Variants in SLC22A24 observed in about 807,000 individuals in gnomAD.
SLC22A24 encodes the protein solute carrier family 22 member 24.
In SLC22A24, 53 loss-of-function variants were observed where a neutral mutation model predicts 49.8. That is an observed-to-expected ratio of 1.06 (90% CI 0.85 to 1.34). The LOEUF is 1.34. Among genes scored for constraint, SLC22A24 ranks in the 40% most tolerant of loss-of-function variants. SLC22A24 has a pLI of 0.00. For missense variants in SLC22A24, 786 were observed against 675.9 expected, an observed-to-expected ratio of 1.16 and a Z score of -1.81; for synonymous variants, 302 against 256.4, an observed-to-expected ratio of 1.18 and a Z score of -1.70.
chr11:63,113,394 T>C (rs1032532431), intron 4 of SLC22A24, among the ~76,000 whole-genome samples: 2 of 151,464 alleles, frequency 1.3e-5, no homozygotes, highest in Non-Finnish European at 2.9e-5. Flanking sequence ...GCTGGTACCG[T>C]TTGTTTCTTT....
chr11:63,125,899 T>C (rs973891229), intron 2 of SLC22A24, among the ~76,000 whole-genome samples: 3 of 152,246 alleles, frequency 2.0e-5, no homozygotes, highest in African/African-American at 7.2e-5. Flanking sequence ...TGCATTTCTC[T>C]GATGACTGGT....
intron 7 of SLC22A24, among the ~76,000 whole-genome samples, chr11:63,082,743 T>C (rs181990108): frequency 1.5e-4 from 23 of 152,328 alleles, no homozygotes; most frequent in African/African-American, 4.8e-4. Flanking sequence ...TCTAAAAAAG[T>C]GTTGCATTTA....
chr11:63,128,881 T>C (rs1239900832), intron 2 of SLC22A24, among the ~76,000 whole-genome samples: 1 of 152,186 alleles, frequency 6.6e-6, no homozygotes, highest in Non-Finnish European at 1.5e-5. Context: ...CACAGCTGTC[T>C]TTTCTTTTAC....
At chr11:63,096,153 G>T (rs892920662) in intron 5 of SLC22A24, 47 bp from the exon 6 acceptor site, 1 of 1,236,718 alleles carries the variant, frequency 8.1e-7, no homozygotes. Flanking sequence ...TGTCAATAAT[G>T]TGTCAGGCAT....
At chr11:63,110,642 C>T (rs535044616) in intron 4 of SLC22A24, among the ~76,000 whole-genome samples, 52 of 133,700 alleles carry the variant, frequency 3.9e-4, no homozygotes, top group Non-Finnish European at 6.6e-4. Context: ...CGATTTGGCT[C>T]TCTGTTTGTC....
rs1364355228 is a variant in SLC22A24, at chr11:63,118,954, A to G, written c.788T>C (p.Leu263Pro). 6.4e-7 allele frequency: 1 copy of G among 1,551,960 alleles called. No individual in the cohort carries two copies. Among genetic ancestry groups the G allele is most frequent in the African/African-American group, 1.4e-5 (1 of 73,068 alleles). Residue 263 changes from leucine (L) to proline (P), a missense_variant, in exon 4 of 10, where the codon CTG (leucine) becomes CCG (proline). Leu to Pro is a moderately conservative substitution (Grantham distance 98, BLOSUM62 -3). Transcript: ENST00000612278. The stretch of plus-strand genomic sequence containing the variant: ...GACAATTATGGGTGTAGACACAGTC[A>G]GTTGCAATATGTGCCAGTCCTGAAT... ...FAIQDWHILQ[L>P]TVSTPIIVLF...
chr11:63,096,132 C>A (rs1003243223), intron 5 of SLC22A24, 26 bp from the exon 6 acceptor site: 61 of 1,415,330 alleles, frequency 4.3e-5, no homozygotes, highest in Non-Finnish European at 5.7e-5. Flanking sequence ...TAACAACAAG[C>A]ATTTGTGAGA....
chr11:63,120,990 C>T (rs557903473), intron 2 of SLC22A24, among the ~76,000 whole-genome samples: 1 of 152,124 alleles, frequency 6.6e-6, no homozygotes, highest in East Asian at 1.9e-4. Context: ...GTAGTGGTTG[C>T]CCCCAGATAA....
At chr11:63,110,322 G>A (rs1335375723) in intron 4 of SLC22A24, among the ~76,000 whole-genome samples, 1 of 152,170 alleles carries the variant, frequency 6.6e-6, no homozygotes, top group Non-Finnish European at 1.5e-5. Flanking sequence ...GATTTATTTG[G>A]CAATGCGGGC....
At position 63,096,074 on chromosome 11, in the gene SLC22A24, A is replaced by G; in HGVS notation, c.987T>C (p.Asp329=). ...LVRSTMKKEL[D]AVRIKTSIFS... ...AAATGGATGTTTTAATTCGGACTGCATCCAACTCCTTCTTCATGGTGGATC... is the reference window on the plus strand; with the variant it reads ...AAATGGATGTTTTAATTCGGACTGCGTCCAACTCCTTCTTCATGGTGGATC... The change falls in exon 6 of 10, where the codon GAT becomes GAC. Residue 329 remains aspartate, a synonymous_variant. Transcript: ENST00000612278. The G allele has an allele frequency of 6.4e-7, 1 of 1,550,820 alleles. No homozygotes were observed. Among genetic ancestry groups the G allele is most frequent in the South Asian group, 1.2e-5 (1 of 84,028 alleles).
chr11:63,130,960 G>T (rs1290172911), intron 2 of SLC22A24, among the ~76,000 whole-genome samples: 1 of 151,970 alleles, frequency 6.6e-6, no homozygotes, highest in African/African-American at 2.4e-5. Flanking sequence ...GGGTGGTCCT[G>T]TATTGGGTGT....
At chr11:63,131,032 C>T (rs1052009292) in intron 2 of SLC22A24, among the ~76,000 whole-genome samples, 6 of 151,752 alleles carry the variant, frequency 4.0e-5, no homozygotes, top group Admixed American at 3.3e-4. Flanking sequence ...TATATAGTGG[C>T]CTTCTTTGTC....
intron 5 of SLC22A24, among the ~76,000 whole-genome samples, chr11:63,103,319 C>A (rs1337203621): frequency 1.3e-5 from 2 of 152,070 alleles, no homozygotes; most frequent in Non-Finnish European, 2.9e-5. Context: ...CTTTTCTGAC[C>A]TATTAAGGCT....
intron 4 of SLC22A24, among the ~76,000 whole-genome samples, chr11:63,106,047 C>G: frequency 6.6e-6 from 1 of 151,784 alleles, no homozygotes; most frequent in Non-Finnish European, 1.5e-5. Context: ...CGTCATTTAG[C>G]ATTAGGTATA....
At chr11:63,113,777 C>A (rs1297868087) in intron 4 of SLC22A24, among the ~76,000 whole-genome samples, 1 of 151,238 alleles carries the variant, frequency 6.6e-6, no homozygotes, top group Admixed American at 6.6e-5. Flanking sequence ...TCACTTGAAC[C>A]CAGGAGGCAG....
chr11:63,081,026 AG>A lies in SLC22A24; in HGVS notation c.1491del (p.Trp498GlyfsTer43). 6.4e-7 allele frequency: 1 copy of A among 1,551,764 alleles called. No homozygotes were observed. The highest frequency in any genetic ancestry group is 8.7e-7 in the Non-Finnish European group (1 of 1,147,016). On this transcript the variant is annotated frameshift_variant, in exon 9 of 10. Coordinates refer to ENST00000612278, the MANE Select transcript of SLC22A24 (RefSeq NM_001136506.2). LOFTEE classifies it high-confidence loss of function. ...ATGGGGAAGACTCCATAGGAAATCC[AG>A]GGTAGGTGGGGAGAATACGCCATTA... ...MTLMAYSPHL[P>X]WISYGVFPIL...
chr11:63,127,300 A>G (rs1176828798), intron 2 of SLC22A24, among the ~76,000 whole-genome samples: 2 of 152,180 alleles, frequency 1.3e-5, no homozygotes, highest in African/African-American at 4.8e-5. Context: ...CCTGCAAAGG[A>G]CATGAACTCA....
At chr11:63,098,971 C>G (rs1417372287) in intron 5 of SLC22A24, among the ~76,000 whole-genome samples, 2 of 151,966 alleles carry the variant, frequency 1.3e-5, no homozygotes, top group Non-Finnish European at 2.9e-5. Context: ...TTATTAAAGG[C>G]TGGTATGAGC....
intron 6 of SLC22A24, among the ~76,000 whole-genome samples, chr11:63,083,703 T>C (rs764141656): frequency 9.9e-4 from 151 of 152,310 alleles, no homozygotes; most frequent in South Asian, 2.5e-3. Context: ...TTGTCATAAT[T>C]TTTACTGGGT....
Sources: gnomAD v4.1 joint callset for allele counts (sites outside exome capture counted in the v4.1 genomes callset) on GRCh38, gnomAD v4.1.1 for gene constraint, MANE v1.5 for transcripts, NCBI Gene and HGNC (gene_info 2026-07-23, HGNC 2026-07-21) for gene names.